SH2D3C: variants seen among roughly 807,000 people sequenced by gnomAD.
SH2D3C encodes SH2 domain-containing protein 3C.
SH2D3C carries 25 observed loss-of-function variants against 75.2 expected under a neutral mutation model. The observed-to-expected ratio is 0.33, with a 90% CI of 0.24 to 0.46. The LOEUF (loss-of-function observed/expected upper bound fraction) is 0.46. Ranked by LOEUF, SH2D3C falls within the 20% of genes least tolerant of loss-of-function variation. The probability of loss-of-function intolerance (pLI) is 1.00; values close to 1 mark genes in which losing one functional copy is unlikely to be tolerated. For synonymous variants in SH2D3C, 450 were observed against 473.7 expected (o/e 0.95, Z 0.65); for missense variants, 933 against 1,165.3 (o/e 0.80, Z 2.90).
chr9:127,768,877 C>A (rs1400799646), intron 2 of SH2D3C, among the ~76,000 whole-genome samples: 1 of 150,868 alleles, frequency 6.6e-6, no homozygotes, highest in Non-Finnish European at 1.5e-5. Flanking sequence ...GTTCCCTTGG[C>A]CTGGTATGCT....
Position 127,751,104 on chromosome 9 carries a change from G to A in SH2D3C, c.684+68C>T. ...AGAGCCTCCCAGGTGGCTGCAGCCA[G>A]GGCTGGGGCTGGCCAAGGCAGTGGG... is the stretch of plus-strand genomic sequence containing the variant. On this transcript the variant is annotated intron_variant, in intron 4 of 11. Transcript: ENST00000314830. This position sits in a 1 kb window ranked among gnomAD's most constrained non-coding sequence, Gnocchi z 4.1. 1 of 1,545,576 alleles carries A rather than the reference G, an allele frequency of 6.5e-7. No individual in the cohort carries two copies. The highest frequency in any genetic ancestry group is 8.9e-7 in the Non-Finnish European group (1 of 1,125,664).
Position 127,739,563 on chromosome 9 carries a change from C to T in SH2D3C, c.2407+119G>A. 1.2e-6 allele frequency: 1 copy of T among 808,382 alleles called. No individual in the cohort carries two copies. Among genetic ancestry groups the T allele is most frequent in the South Asian group, 2.1e-5 (1 of 48,684 alleles). 50.1% of individuals were successfully genotyped at this position (808,382 alleles called of 1,614,324 possible). ...ACATGAGAGGAAGGGGTCAGGGAGA[C>T]AGGGCAGGACAGAGGAGTGGAGAAA... On this transcript the variant is annotated intron_variant, in intron 11 of 11. Coordinates refer to ENST00000314830, the MANE Select transcript of SH2D3C (RefSeq NM_170600.3). This position sits in a 1 kb window ranked among gnomAD's most constrained non-coding sequence, Gnocchi z 4.3.
chr9:127,772,543 AG>A (rs1477250724), intron 2 of SH2D3C, among the ~76,000 whole-genome samples: 2 of 152,162 alleles, frequency 1.3e-5, no homozygotes, highest in Non-Finnish European at 2.9e-5. Context: ...TACAGGCGTG[AG>A]CCACTGCGCC....
At chr9:127,756,052 C>A (rs1438686789) in intron 3 of SH2D3C, among the ~76,000 whole-genome samples, 1 of 152,158 alleles carries the variant, frequency 6.6e-6, no homozygotes, top group East Asian at 1.9e-4. Flanking sequence ...TGTAATCCCA[C>A]GCCCTGGGAG....
At chr9:127,765,212 A>G (rs1845610864) in intron 2 of SH2D3C, among the ~76,000 whole-genome samples, 1 of 152,052 alleles carries the variant, frequency 6.6e-6, no homozygotes, top group Non-Finnish European at 1.5e-5. Flanking sequence ...CCTTCTCAGC[A>G]AGGTCTTCCC....
At chr9:127,756,408 T>C (rs1023583305) in intron 3 of SH2D3C, among the ~76,000 whole-genome samples, 1 of 152,254 alleles carries the variant, frequency 6.6e-6, no homozygotes, top group African/African-American at 2.4e-5. Context: ...CAGGTCCAAA[T>C]CCTTCTGACA....
In SH2D3C at chr9:127,778,592, G is replaced by A; in HGVS notation, c.36C>T (p.Phe12=). ...TEGTKKTSKK[F]KFFKFKGFGS... is the part of the protein sequence containing the mutation. ...GTGCAGACGGCACCCCACACTCACTGAACTTTTTGCTGGTCTTCTTGGTCC... is the reference window on the plus strand; with the variant it reads ...GTGCAGACGGCACCCCACACTCACTAAACTTTTTGCTGGTCTTCTTGGTCC... The change falls in exon 1 of 12, where the codon TTC becomes TTT. Residue 12 remains phenylalanine (F), a splice_region_variant and synonymous_variant. Coordinates refer to ENST00000314830, the MANE Select transcript of SH2D3C (RefSeq NM_170600.3). 6.2e-7 allele frequency: 1 copy of A among 1,613,390 alleles called. No individual in the cohort carries two copies. The highest frequency in any genetic ancestry group is 8.5e-7 in the Non-Finnish European group (1 of 1,179,302).
chr9:127,762,384 C>T (rs760871441), intron 2 of SH2D3C: 57 of 1,191,006 alleles, frequency 4.8e-5, no homozygotes, highest in Admixed American at 6.9e-5. Flanking sequence ...ACTTGGAAAC[C>T]CAACTACCTC....
chr9:127,742,940 T>G lies in SH2D3C; in HGVS notation c.1825A>C (p.Lys609Gln). ...CLVARILGVTKEMQTLMGVRW... is the reference protein window; with the variant it reads ...CLVARILGVTQEMQTLMGVRW... The stretch of plus-strand genomic sequence containing the variant: ...ACTCCCATTAGGGTCTGCATCTCCT[T>G]GGTAACGCCCAGTATCCTAGCAACC... The change falls in exon 8 of 12, where the codon AAG becomes CAG. Residue 609 changes from lysine (K) to glutamine (Q), a missense_variant. Coordinates refer to ENST00000314830, the MANE Select transcript of SH2D3C (RefSeq NM_170600.3). 6.2e-7 allele frequency: 1 copy of G among 1,613,682 alleles called. No individual in the cohort carries two copies.
rs1844865395 is a variant in SH2D3C, at chr9:127,741,811, T to G, written c.2065A>C (p.Met689Leu). 1 of 1,613,280 alleles carries G rather than the reference T, an allele frequency of 6.2e-7. No individual in the cohort carries two copies. Among genetic ancestry groups the G allele is most frequent in the Non-Finnish European group, 8.5e-7 (1 of 1,180,004 alleles). Residue 689 changes from methionine to leucine, a missense_variant, in exon 9 of 12, where the codon ATG becomes CTG. Met to Leu is a conservative substitution (Grantham distance 15, BLOSUM62 2). Transcript: ENST00000314830. Reference sequence around the variant, plus strand: ...ACCTGGGCCATGTCCAGGGCACCCATGACCGCCGCGAAGCTGAACATGTTG... The same window carrying G: ...ACCTGGGCCATGTCCAGGGCACCCAGGACCGCCGCGAAGCTGAACATGTTG... ...MGNMFSFAAV[M>L]GALDMAQISR...
In SH2D3C at chr9:127,774,575, C is replaced by T. The variant is rs149211940; in HGVS notation, c.38-108G>A. The T allele has an allele frequency of 6.9e-4, 459 of 666,874 alleles. 3 individuals are homozygous for T. Among genetic ancestry groups the T allele is most frequent in the African/African-American group, 6.1e-3 (340 of 55,998 alleles). The allele number at this position is 666,874 out of a possible 1,614,324, so 41.3% of individuals were successfully genotyped here. ...TCGGTGAGGGGCTGAAGAGGGCTGG[C>T]GGTTTCCCAGACACCCCTTCTAAAA... On this transcript the variant is annotated intron_variant, in intron 1 of 11. Transcript: ENST00000314830. This position sits in a 1 kb window ranked among gnomAD's most constrained non-coding sequence, Gnocchi z 4.3.
chr9:127,754,699 C>A lies in SH2D3C; in HGVS notation c.556-3399G>T. ...AGATCCCAGTCCGGCGCCCCCGGTA[C>A]AATGGGGAGCCAGGGTGCCCAGGTC... On this transcript the variant is annotated intron_variant, in intron 3 of 11. Coordinates refer to ENST00000314830, the MANE Select transcript of SH2D3C (RefSeq NM_170600.3). This position sits in a 1 kb window ranked among gnomAD's most constrained non-coding sequence, Gnocchi z 4.4. The A allele has an allele frequency of 2.8e-6, 1 of 363,442 alleles. No homozygotes were observed. The highest frequency in any genetic ancestry group is 6.0e-6 in the Non-Finnish European group (1 of 166,768). The allele number at this position is 363,442 out of a possible 1,614,324, so 22.5% of individuals were successfully genotyped here.
Position 127,742,003 on chromosome 9 carries a change from G to C in SH2D3C, c.1917-44C>G, listed in dbSNP as rs758756052. On this transcript the variant is annotated intron_variant, in intron 8 of 11. Transcript: ENST00000314830. ...CAGAGGCGGCGGGCTCGGGGACAGG[G>C]GTGAGGGGTGCGGGCCTGGGGCGCT... 24 of 1,554,844 alleles carry C rather than the reference G, an allele frequency of 1.5e-5. No individual in the cohort carries two copies. In the African/African-American group the frequency reaches 3.1e-4, roughly 20 times the overall value.
intron 3 of SH2D3C, among the ~76,000 whole-genome samples, chr9:127,753,799 G>A (rs1353429829): frequency 1.3e-5 from 2 of 152,238 alleles, no homozygotes; most frequent in Non-Finnish European, 2.9e-5. Context: ...AAGGGCATGC[G>A]ATTGAGACCT....
At chr9:127,741,263 C>T (rs919645826) in intron 9 of SH2D3C, among the ~76,000 whole-genome samples, 3 of 140,766 alleles carry the variant, frequency 2.1e-5, no homozygotes, top group South Asian at 2.2e-4. Flanking sequence ...TTTTTTGAGA[C>T]GGAGTCTCAC....
chr9:127,771,338 A>C, intron 2 of SH2D3C: 1 of 1,398,824 alleles, frequency 7.1e-7, no homozygotes, highest in Non-Finnish European at 9.3e-7. Context: ...CCGGGGGCGG[A>C]GACTGACCTG....
chr9:127,755,737 G>A (rs1037669409), intron 3 of SH2D3C, among the ~76,000 whole-genome samples: 5 of 152,228 alleles, frequency 3.3e-5, no homozygotes, highest in Admixed American at 6.5e-5. Context: ...ACAAGACTCT[G>A]GGGGTGCAGA....
chr9:127,754,869 G>A lies in SH2D3C; in HGVS notation c.556-3569C>T, dbSNP rs1472335195. On this transcript the variant is annotated intron_variant, in intron 3 of 11. Coordinates refer to ENST00000314830, the MANE Select transcript of SH2D3C (RefSeq NM_170600.3). This position sits in a 1 kb window ranked among gnomAD's most constrained non-coding sequence, Gnocchi z 4.4. ...ACCGCAGCCCAGAGTCCCAGGAGTG[G>A]CCGCCGAACCCTCACCCCGCGGAGC... 4 of 502,140 alleles carry A rather than the reference G, an allele frequency of 8.0e-6. No individual in the cohort carries two copies. Among genetic ancestry groups the A allele is most frequent in the African/African-American group, 4.0e-5 (2 of 50,486 alleles). 31.1% of individuals were successfully genotyped at this position (502,140 alleles called of 1,614,324 possible).
At position 127,738,667 on chromosome 9, in the gene SH2D3C, T is replaced by C; in HGVS notation, c.*79A>G. The stretch of plus-strand genomic sequence containing the variant: ...CATTCTCGGGTTGATCACAGTGTCC[T>C]TGGGGTGCTCTGGGGAAAGTTGTGT... On this transcript the variant is annotated 3_prime_UTR_variant, in exon 12 of 12. Transcript: ENST00000314830. This position sits in a 1 kb window ranked among gnomAD's most constrained non-coding sequence, Gnocchi z 5.0. 7.1e-7 allele frequency: 1 copy of C among 1,417,440 alleles called. No individual in the cohort carries two copies. The highest frequency in any genetic ancestry group is 1.4e-5 in the South Asian group (1 of 70,782). 87.8% of individuals were successfully genotyped at this position (1,417,440 alleles called of 1,614,324 possible). A position where few individuals can be genotyped will look rare whatever the true frequency, so the allele number is the denominator to read the frequency against.
Sources: allele counts gnomAD v4.1 joint callset (sites outside exome capture counted in the v4.1 genomes callset), GRCh38; gene constraint gnomAD v4.1.1; non-coding constraint Gnocchi (gnomAD v3.1); transcripts MANE v1.5; gene names NCBI Gene and HGNC (gene_info 2026-07-23, HGNC 2026-07-21).